The following MAD1L1 variants were observed in gnomAD, a reference collection of about 807,000 sequenced individuals.
MAD1L1 encodes the protein mitotic arrest deficient 1 like 1, also known as mitotic spindle assembly checkpoint protein MAD1.
A neutral mutation model predicts 96.9 loss-of-function variants in MAD1L1; 95 were observed. The ratio of observed to expected loss-of-function variants is 0.98; its 90% CI spans 0.83 to 1.16. The LOEUF (loss-of-function observed/expected upper bound fraction) is 1.16, where lower values mean the gene tolerates loss of function less well. Among genes scored for constraint, MAD1L1 ranks in the 50% most tolerant of loss-of-function variants. The pLI, the probability that MAD1L1 is intolerant of heterozygous loss-of-function variation, is 0.00. For synonymous variants in MAD1L1, 473 were observed against 396.6 expected (o/e 1.19, Z -2.29); for missense variants, 1,007 against 954.4 (o/e 1.06, Z -0.73).
intron 17 of MAD1L1, among the ~76,000 whole-genome samples, chr7:1,931,714 A>C (rs563048080): frequency 2.7e-5 from 4 of 145,500 alleles, no homozygotes; most frequent in African/African-American, 1.0e-4. Context: ...GGCTGTGTTC[A>C]GATCAGGCCT....
intron 11 of MAD1L1, among the ~76,000 whole-genome samples, chr7:2,134,712 G>A (rs1053633918): frequency 6.6e-6 from 1 of 152,210 alleles, no homozygotes; most frequent in South Asian, 2.1e-4. Flanking sequence ...ACACGTCTCT[G>A]GAGAGGCCAC....
At chr7:1,946,910 C>G (rs536680544) in intron 16 of MAD1L1, among the ~76,000 whole-genome samples, 1 of 152,376 alleles carries the variant, frequency 6.6e-6, no homozygotes, top group African/African-American at 2.4e-5. Context: ...GCCCGTTTCT[C>G]TCTGTGTTCA....
intron 11 of MAD1L1, among the ~76,000 whole-genome samples, chr7:2,127,322 C>T (rs761557331): frequency 1.3e-5 from 2 of 152,212 alleles, no homozygotes; most frequent in Non-Finnish European, 2.9e-5. Context: ...CCAGCCCCAG[C>T]AAGACACAGG....
At position 1,957,739 on chromosome 7, in the gene MAD1L1, G is replaced by A. The variant is rs1779789522; in HGVS notation, c.1506-20C>T. ...TTCAACCTGCAAGGACAGCAAGACG[G>A]TGACCAGGTGTCCGAGGCCAGCCAT... On this transcript the variant is annotated intron_variant, in intron 15 of 18. Coordinates refer to ENST00000265854, the MANE Select transcript of MAD1L1 (RefSeq NM_001013836.2). 2 of 1,612,902 alleles carry A rather than the reference G, an allele frequency of 1.2e-6. No homozygotes were observed. Among genetic ancestry groups the A allele is most frequent in the East Asian group, 2.2e-5 (1 of 44,882 alleles).
intron 13 of MAD1L1, among the ~76,000 whole-genome samples, chr7:2,007,597 C>T (rs933624226): frequency 6.6e-6 from 1 of 152,242 alleles, no homozygotes; most frequent in African/African-American, 2.4e-5. Flanking sequence ...TCACTTGAAC[C>T]CGGCAAGCGG....
intron 18 of MAD1L1, among the ~76,000 whole-genome samples, chr7:1,836,147 G>A (rs1393552718): frequency 1.3e-5 from 2 of 152,050 alleles, no homozygotes; most frequent in African/African-American, 4.8e-5. Flanking sequence ...TCAGCCTCCT[G>A]AGTAGCTGGG....
intron 17 of MAD1L1, among the ~76,000 whole-genome samples, chr7:1,903,458 T>C (rs1020766581): frequency 6.8e-6 from 1 of 148,042 alleles, no homozygotes; most frequent in Non-Finnish European, 1.5e-5. Context: ...GAGGATGCAG[T>C]GGGCTACTGA....
At chr7:2,138,464 T>C (rs540842047) in intron 11 of MAD1L1, among the ~76,000 whole-genome samples, 1 of 152,316 alleles carries the variant, frequency 6.6e-6, no homozygotes, top group African/African-American at 2.4e-5. Flanking sequence ...CACTTCAGCA[T>C]GCAGAGGTTG....
intron 17 of MAD1L1, among the ~76,000 whole-genome samples, chr7:1,911,720 T>G (rs1026856186): frequency 1.4e-5 from 2 of 146,976 alleles, no homozygotes; most frequent in African/African-American, 5.1e-5. Flanking sequence ...CCCAACCGTC[T>G]CCAGTCTGGC....
chr7:1,826,099 C>T (rs968306625), intron 18 of MAD1L1, among the ~76,000 whole-genome samples: 20 of 152,302 alleles, frequency 1.3e-4, no homozygotes, highest in African/African-American at 4.3e-4. Context: ...CTGGTGCTAC[C>T]GTGGTCTACG....
chr7:1,850,226 G>A (rs963859174), intron 18 of MAD1L1, among the ~76,000 whole-genome samples: 6 of 152,132 alleles, frequency 3.9e-5, no homozygotes, highest in South Asian at 4.1e-4. Flanking sequence ...GCAACAGGAC[G>A]GAACCGACAG....
intron 11 of MAD1L1, among the ~76,000 whole-genome samples, chr7:2,087,852 T>C (rs1366684017): frequency 1.3e-5 from 2 of 152,054 alleles, no homozygotes; most frequent in Non-Finnish European, 2.9e-5. Flanking sequence ...TGGAACACCG[T>C]AGGCGCCCCT....
chr7:2,037,794 C>G (rs988750334), intron 12 of MAD1L1, among the ~76,000 whole-genome samples: 1 of 152,096 alleles, frequency 6.6e-6, no homozygotes, highest in Non-Finnish European at 1.5e-5. Flanking sequence ...CCTTGGGCCT[C>G]TCTATTCCCT....
chr7:2,146,903 G>A lies in MAD1L1; in HGVS notation c.1073+2249C>T, dbSNP rs1789337721. Among the ~76,000 whole-genome samples the A allele has an allele frequency of 6.6e-6, 1 of 152,204 alleles. No individual in the cohort carries two copies. On this transcript the variant is annotated intron_variant, in intron 11 of 18. Coordinates refer to ENST00000265854, the MANE Select transcript of MAD1L1 (RefSeq NM_001013836.2). This position sits in a 1 kb window ranked among gnomAD's most constrained non-coding sequence, Gnocchi z 6.2. ...CGCCACGGAAGAGAGCAGCAGCCCAGAGGCCAGAACGCAAGCACCAAGGCC... is the reference window on the plus strand; with the variant it reads ...CGCCACGGAAGAGAGCAGCAGCCCAAAGGCCAGAACGCAAGCACCAAGGCC...
intron 17 of MAD1L1, among the ~76,000 whole-genome samples, chr7:1,907,935 T>C (rs6461004): frequency 0.99 from 150,430 of 152,326 alleles, 74,303 homozygotes; most frequent in Middle Eastern, 1. Flanking sequence ...GTGACCGCCC[T>C]GGCCCCTGCA....
intron 16 of MAD1L1, among the ~76,000 whole-genome samples, chr7:1,947,457 T>C (rs10237340): frequency 0.86 from 131,032 of 152,274 alleles, 57,706 homozygotes; most frequent in Non-Finnish European, 0.96. Flanking sequence ...ATACCTCTCC[T>C]GGCTGAAGGA....
At chr7:2,086,002 G>A (rs1785900103) in intron 11 of MAD1L1, among the ~76,000 whole-genome samples, 1 of 152,172 alleles carries the variant, frequency 6.6e-6, no homozygotes, top group Non-Finnish European at 1.5e-5. Flanking sequence ...GGAGGATGGT[G>A]AGACCCATCA....
chr7:2,183,073 T>C (rs1250843953), intron 10 of MAD1L1, among the ~76,000 whole-genome samples: 1 of 151,704 alleles, frequency 6.6e-6, no homozygotes, highest in Non-Finnish European at 1.5e-5. Context: ...AGAGAAAAAA[T>C]TAGCCAGGTG....
At chr7:1,990,401 A>T (rs1781355869) in intron 14 of MAD1L1, among the ~76,000 whole-genome samples, 1 of 152,180 alleles carries the variant, frequency 6.6e-6, no homozygotes, top group Non-Finnish European at 1.5e-5. Flanking sequence ...CTTCCTAAGG[A>T]GGCCTCGGGG....
Sources: allele counts gnomAD v4.1 joint callset (sites outside exome capture counted in the v4.1 genomes callset), GRCh38; gene constraint gnomAD v4.1.1; non-coding constraint Gnocchi (gnomAD v3.1); transcripts MANE v1.5; gene names NCBI Gene and HGNC (gene_info 2026-07-23, HGNC 2026-07-21).